The following COL15A1 variants were observed in gnomAD, a reference collection of about 807,000 sequenced individuals.
The protein encoded by COL15A1 is collagen alpha-1(XV) chain.
A neutral mutation model predicts 165.9 loss-of-function variants in COL15A1; 111 were observed. The ratio of observed to expected loss-of-function variants is 0.67; its 90% confidence interval spans 0.57 to 0.78. COL15A1 has a LOEUF of 0.78. Ranked by LOEUF, COL15A1 falls within the 30% of genes least tolerant of loss-of-function variation. COL15A1 has a pLI of 0.00. For synonymous variants in COL15A1, 659 were observed against 674.8 expected, an observed-to-expected ratio of 0.98 and a Z score of 0.36; for missense variants, 1,745 against 1,789.7, an observed-to-expected ratio of 0.98 and a Z score of 0.45.
chr9:98,963,405 G>A (rs1420728419), intron 2 of COL15A1, among the ~76,000 whole-genome samples: 1 of 152,170 alleles, frequency 6.6e-6, no homozygotes, highest in African/African-American at 2.4e-5. Flanking sequence ...TTCAAAGAGA[G>A]CAAGGAACTT....
rs772567563 is a variant in COL15A1, at chr9:98,944,270, G to T, written c.100+20G>T. ...CGACAGGTAAGCAACCCGGTCGGAG[G>T]GTGGCACCGGCTGCCTCCGCGCCCG... On this transcript the variant is annotated intron_variant, in intron 2 of 41. Coordinates refer to ENST00000375001, the MANE Select transcript of COL15A1 (RefSeq NM_001855.5). The T allele has an allele frequency of 6.2e-7, 1 of 1,610,056 alleles. No individual in the cohort carries two copies. Among genetic ancestry groups the T allele is most frequent in the South Asian group, 1.1e-5 (1 of 90,574 alleles).
At chr9:99,044,699 C>T in intron 25 of COL15A1, 36 bp from the exon 26 acceptor site, 2 of 1,612,694 alleles carry the variant, frequency 1.2e-6, no homozygotes, top group Non-Finnish European at 1.7e-6. Context: ...TTGTTTCTGT[C>T]CCAAACAGTG....
intron 2 of COL15A1, among the ~76,000 whole-genome samples, chr9:98,959,157 G>A (rs956650525): frequency 1.3e-5 from 2 of 148,918 alleles, no homozygotes; most frequent in East Asian, 2.0e-4. Flanking sequence ...TCAGGAAGCC[G>A]AGGTGGGAGG....
intron 11 of COL15A1, among the ~76,000 whole-genome samples, chr9:99,019,772 A>G (rs924423504): frequency 3.9e-5 from 6 of 152,158 alleles, no homozygotes; most frequent in African/African-American, 1.2e-4. Flanking sequence ...GAGTTCATCC[A>G]TGGAAAACAT....
rs115290648 is a variant in COL15A1, at chr9:98,971,060, G to A, written c.101-14505G>A. On this transcript the variant is annotated intron_variant, in intron 2 of 41. Coordinates refer to ENST00000375001, the MANE Select transcript of COL15A1 (RefSeq NM_001855.5). ...CTGTGTGTTAGGGGGCCAAGGGGCA[G>A]GACTTCTGCTAAGGCCTCCTGTATC... Among the ~76,000 whole-genome samples the A allele has an allele frequency of 5.0e-3, 760 of 152,280 alleles. 4 individuals carry two copies. Among genetic ancestry groups the A allele is most frequent in the African/African-American group, 0.017 (717 of 41,558 alleles).
At chr9:99,053,189 G>A (rs546641192) in intron 31 of COL15A1, among the ~76,000 whole-genome samples, 10 of 152,328 alleles carry the variant, frequency 6.6e-5, no homozygotes, top group East Asian at 3.9e-4. Flanking sequence ...ACCCTGTCAC[G>A]CCACTTGGGG....
Position 99,025,950 on chromosome 9 carries a change from G to T in COL15A1, c.2027G>T (p.Gly676Val), listed in dbSNP as rs1017049112. The change falls in exon 16 of 42, where the codon GGG (glycine) becomes GTG (valine). Residue 676 changes from glycine (G) to valine (V), a missense_variant. Gly to Val is a moderately radical substitution (Grantham distance 109). Coordinates refer to ENST00000375001, the MANE Select transcript of COL15A1 (RefSeq NM_001855.5). Reference protein sequence around the residue: ...PGVDGATGLPGMKGEKGARGP... With the variant: ...PGVDGATGLPVMKGEKGARGP... The stretch of plus-strand genomic sequence containing the variant: ...GTTGATGGAGCCACCGGCCTTCCCG[G>T]GATGAAAGGGGAGAAGGTACGGGGA... 1 of 1,612,070 alleles carries T rather than the reference G, an allele frequency of 6.2e-7. No homozygotes were observed. The highest frequency in any genetic ancestry group is 1.6e-4 in the Middle Eastern group (1 of 6,074).
intron 9 of COL15A1, among the ~76,000 whole-genome samples, chr9:99,009,479 G>C (rs553984597): frequency 6.6e-6 from 1 of 152,112 alleles, no homozygotes; most frequent in Non-Finnish European, 1.5e-5. Context: ...AGCCAAATAT[G>C]TCTCTTTTGG....
In COL15A1 at chr9:99,015,995, A is replaced by G. The variant is rs372697152; in HGVS notation, c.1523A>G (p.Asp508Gly). The G allele has an allele frequency of 1.1e-5, 17 of 1,613,676 alleles. No homozygotes were observed. The highest frequency in any genetic ancestry group is 2.7e-5 in the African/African-American group (2 of 75,012). ...AVTSGPGDEEDLAAATTEEPL... is the reference protein window; with the variant it reads ...AVTSGPGDEEGLAAATTEEPL... ...TTTCAGGGTCCTGGTGATGAAGAAG[A>G]CTTGGCAGCAGCCACAACAGAGGAG... The change falls in exon 11 of 42, where the codon GAC becomes GGC. Residue 508 changes from aspartate (D) to glycine (G), a missense_variant. By Grantham distance (94) the Asp-to-Gly change is moderately conservative. Transcript: ENST00000375001.
intron 35 of COL15A1, 135 bp downstream of exon 35, chr9:99,056,539 T>C: frequency 7.5e-7 from 1 of 1,325,496 alleles, no homozygotes; most frequent in Non-Finnish European, 9.9e-7. Flanking sequence ...TCTTTTTTTT[T>C]TAATTGAGAT....
At chr9:99,053,832 G>A (rs938880236) in intron 31 of COL15A1, among the ~76,000 whole-genome samples, 7 of 152,178 alleles carry the variant, frequency 4.6e-5, no homozygotes, top group Non-Finnish European at 1.0e-4. Context: ...CCCATCTCTA[G>A]GCTCAAGACC....
At chr9:99,012,145 C>A (rs1190615860) in intron 9 of COL15A1, among the ~76,000 whole-genome samples, 3 of 152,186 alleles carry the variant, frequency 2.0e-5, no homozygotes, top group South Asian at 4.1e-4. Context: ...TAAGACATTT[C>A]TAATATTGCT....
rs2274960 is a variant in COL15A1, at chr9:99,062,830, C to G, written c.3592-220C>G. Reference sequence around the variant, plus strand: ...TCAAAAAGAATGCCCTTCCTTGATTCAGTGCTCTTTTTAAAACTCTTGAGA... The same window carrying G: ...TCAAAAAGAATGCCCTTCCTTGATTGAGTGCTCTTTTTAAAACTCTTGAGA... On this transcript the variant is annotated intron_variant, in intron 38 of 41. Transcript: ENST00000375001. Among the ~76,000 whole-genome samples the G allele has an allele frequency of 7.8e-3, 1,183 of 152,226 alleles. 50 individuals are homozygous for G. In the South Asian group the frequency reaches 0.11, roughly 14 times the overall value.
chr9:98,978,315 C>T (rs530586190), intron 2 of COL15A1, among the ~76,000 whole-genome samples: 43 of 152,294 alleles, frequency 2.8e-4, no homozygotes, highest in Non-Finnish European at 4.4e-4. Flanking sequence ...GCCCTTCTCC[C>T]TGTGTCGCCT....
At chr9:99,036,291 C>T in intron 20 of COL15A1, 22 bp from the exon 21 acceptor site, 1 of 1,614,038 alleles carries the variant, frequency 6.2e-7, no homozygotes, top group Non-Finnish European at 8.5e-7. Context: ...ATTTTTTTCT[C>T]ACTTCTTGCT....
At chr9:98,982,271 A>T (rs1838245866) in intron 2 of COL15A1, among the ~76,000 whole-genome samples, 1 of 152,188 alleles carries the variant, frequency 6.6e-6, no homozygotes. Context: ...GGCACACATG[A>T]CCACACCCAT....
intron 22 of COL15A1, among the ~76,000 whole-genome samples, chr9:99,038,943 C>G (rs553514839): frequency 2.1e-3 from 318 of 152,308 alleles, no homozygotes; most frequent in South Asian, 0.018. Flanking sequence ...GTGGAAGCTT[C>G]CAGTCCTGTG....
chr9:99,050,031 C>T (rs2117876263), intron 30 of COL15A1, 136 bp downstream of exon 30: 4 of 1,192,096 alleles, frequency 3.4e-6, no homozygotes, highest in East Asian at 2.4e-5. Context: ...AGTGTAGACC[C>T]TCAAGTGACT....
chr9:98,988,114 G>A (rs891513748), intron 4 of COL15A1, among the ~76,000 whole-genome samples: 6 of 152,212 alleles, frequency 3.9e-5, no homozygotes, highest in African/African-American at 9.6e-5. Flanking sequence ...AGAAGGTAGC[G>A]CATTCCTGCA....
Sources: gnomAD v4.1 joint callset for allele counts (sites outside exome capture counted in the v4.1 genomes callset) on GRCh38, gnomAD v4.1.1 for gene constraint, MANE v1.5 for transcripts, NCBI Gene and HGNC (gene_info 2026-07-23, HGNC 2026-07-21) for gene names.